CEP20: variants seen among roughly 807,000 people sequenced by gnomAD.
CEP20 encodes the protein centrosomal protein 20.
CEP20 carries 18 observed loss-of-function variants against 20.0 expected under a neutral mutation model. The observed-to-expected ratio is 0.90, with a 90% CI of 0.62 to 1.34. CEP20 has a LOEUF of 1.34. CEP20 is among the 40% of genes most tolerant of loss of function. The pLI is 0.00. For synonymous variants in CEP20, 77 were observed against 73.7 expected, an observed-to-expected ratio of 1.04 and a Z score of -0.23; for missense variants, 215 against 201.6, an observed-to-expected ratio of 1.07 and a Z score of -0.40.
At chr16:15,877,772 C>T (rs933336138) in intron 3 of CEP20, among the ~76,000 whole-genome samples, 3 of 151,892 alleles carry the variant, frequency 2.0e-5, no homozygotes, top group African/African-American at 7.3e-5. Context: ...AGAGTGAAAC[C>T]CTGCCTTGAA....
intron 4 of CEP20, among the ~76,000 whole-genome samples, chr16:15,872,000 C>T (rs1461191959): frequency 6.6e-6 from 1 of 152,174 alleles, no homozygotes; most frequent in Admixed American, 6.5e-5. Flanking sequence ...CTAAACCCCA[C>T]CTTTAACTGT....
chr16:15,882,833 A>G (rs935065089), intron 2 of CEP20: 5 of 151,388 alleles, frequency 3.3e-5, no homozygotes, highest in Non-Finnish European at 5.9e-5. Flanking sequence ...ATCTATATAT[A>G]GACAGGGACA....
At chr16:15,873,417 A>G in intron 4 of CEP20, 74 bp downstream of exon 4, 1 of 1,537,006 alleles carries the variant, frequency 6.5e-7, no homozygotes, top group Non-Finnish European at 8.8e-7. Flanking sequence ...CTCAGTAAAG[A>G]CTCCAAAAGA....
At chr16:15,876,234 T>G (rs2044944250) in intron 3 of CEP20, among the ~76,000 whole-genome samples, 1 of 151,424 alleles carries the variant, frequency 6.6e-6, no homozygotes, top group Admixed American at 6.6e-5. Context: ...TCCTAGCACT[T>G]TGGGAGGCCG....
chr16:15,869,506 TCAC>T (rs1258467626), intron 4 of CEP20, among the ~76,000 whole-genome samples: 2 of 152,072 alleles, frequency 1.3e-5, no homozygotes, highest in African/African-American at 4.8e-5. Context: ...AGACAGGGTT[TCAC>T]CATGTTGGCT....
intron 4 of CEP20, among the ~76,000 whole-genome samples, chr16:15,869,110 T>C (rs1475164651): frequency 6.6e-6 from 1 of 151,192 alleles, no homozygotes; most frequent in African/African-American, 2.4e-5. Context: ...TGTGTGTGTA[T>C]ATATATATAA....
At chr16:15,882,355 C>G (rs139253913) in intron 2 of CEP20, among the ~76,000 whole-genome samples, 1 of 151,182 alleles carries the variant, frequency 6.6e-6, no homozygotes, top group African/African-American at 2.5e-5. Flanking sequence ...TCCTGGCTAA[C>G]GGTGAAACCC....
rs2151416782 is a variant in CEP20 at position 15,866,770 on chromosome 16, T to C, written c.*670A>G. ...CTTTGTTTTATTTACAGCAAAATTA[T>C]TACAGCAAATTTACTTCTCCTCTAC... On this transcript the variant is annotated 3_prime_UTR_variant, in exon 5 of 5. Transcript: ENST00000255759. The C allele has an allele frequency of 6.6e-6, 1 of 152,326 alleles. No homozygotes were observed. The highest frequency in any genetic ancestry group is 3.4e-3 in the Middle Eastern group (1 of 294). The allele number at this position is 152,326 out of a possible 1,614,324, so 9.4% of individuals were successfully genotyped here. A position where few individuals can be genotyped will look rare whatever the true frequency, so the allele number is the denominator to read the frequency against.
chr16:15,866,564 G>T lies in CEP20; in HGVS notation c.*876C>A, dbSNP rs3743520. 6.6e-6 allele frequency: 1 copy of T among 152,122 alleles called. No homozygotes were observed. The highest frequency in any genetic ancestry group is 2.4e-5 in the African/African-American group (1 of 41,414). The allele number at this position is 152,122 out of a possible 1,614,324, so 9.4% of individuals were successfully genotyped here. A position where few individuals can be genotyped will look rare whatever the true frequency, so the allele number is the denominator to read the frequency against. Reference sequence around the variant, plus strand: ...TCCCAAGAATAAAAATTGATGTTTGGTAAGAGTTTCGGAGCCCAAACAAGT... The same window carrying T: ...TCCCAAGAATAAAAATTGATGTTTGTTAAGAGTTTCGGAGCCCAAACAAGT... On this transcript the variant is annotated 3_prime_UTR_variant, in exon 5 of 5. Coordinates refer to ENST00000255759, the MANE Select transcript of CEP20 (RefSeq NM_144600.4).
Position 15,879,907 on chromosome 16 carries a change from T to G in CEP20, c.227-19A>C. ...CCAGATTCTGGGAGAAATAAATTCA[T>G]GAGAACACTCAGTCTATTAAACTAA... is the stretch of plus-strand genomic sequence containing the variant. On this transcript the variant is annotated intron_variant, in intron 2 of 4. Transcript: ENST00000255759. 6.6e-7 allele frequency: 1 copy of G among 1,509,214 alleles called. No homozygotes were observed. The highest frequency in any genetic ancestry group is 9.0e-7 in the Non-Finnish European group (1 of 1,106,112). The allele number at this position is 1,509,214 out of a possible 1,614,324, so 93.5% of individuals were successfully genotyped here. A position where few individuals can be genotyped will look rare whatever the true frequency, so the allele number is the denominator to read the frequency against.
At chr16:15,872,085 T>C (rs907067960) in intron 4 of CEP20, among the ~76,000 whole-genome samples, 12 of 152,012 alleles carry the variant, frequency 7.9e-5, no homozygotes, top group South Asian at 2.1e-4. Flanking sequence ...GAGGCCAAGG[T>C]GGGCGGATCA....
chr16:15,881,731 A>G (rs2045102145), intron 2 of CEP20, among the ~76,000 whole-genome samples: 1 of 151,766 alleles, frequency 6.6e-6, no homozygotes, highest in Non-Finnish European at 1.5e-5. Context: ...CACTTTTTTG[A>G]AAGAAGACAT....
At chr16:15,888,189 T>C (rs1161683463) in intron 1 of CEP20, among the ~76,000 whole-genome samples, 2 of 151,002 alleles carry the variant, frequency 1.3e-5, no homozygotes, top group Non-Finnish European at 2.9e-5. Context: ...ATAGGGGTTG[T>C]GGGAATTGTA....
chr16:15,881,379 A>G (rs2045093956), intron 2 of CEP20, among the ~76,000 whole-genome samples: 1 of 152,186 alleles, frequency 6.6e-6, no homozygotes, highest in Admixed American at 6.6e-5. Context: ...ACAGCCATCT[A>G]TAACAAACAA....
chr16:15,871,710 G>A (rs1436188875), intron 4 of CEP20, among the ~76,000 whole-genome samples: 1 of 152,164 alleles, frequency 6.6e-6, no homozygotes, highest in Non-Finnish European at 1.5e-5. Flanking sequence ...GAAATAAGTA[G>A]ATGGGAATGA....
At chr16:15,882,259 C>A (rs559684530) in intron 2 of CEP20, among the ~76,000 whole-genome samples, 1 of 152,296 alleles carries the variant, frequency 6.6e-6, no homozygotes, top group Non-Finnish European at 1.5e-5. Flanking sequence ...CTCTTTTCTT[C>A]AACCGGGTGC....
intron 2 of CEP20, among the ~76,000 whole-genome samples, chr16:15,882,395 T>C (rs2045120664): frequency 6.6e-6 from 1 of 151,952 alleles, no homozygotes; most frequent in East Asian, 1.9e-4. Context: ...AAAAATTAGC[T>C]GGGCATGGCC....
intron 2 of CEP20, among the ~76,000 whole-genome samples, chr16:15,880,635 C>T (rs1004430192): frequency 2.0e-5 from 3 of 152,232 alleles, no homozygotes; most frequent in African/African-American, 7.2e-5. Context: ...ACATCATGTA[C>T]GGTTCCATCT....
intron 1 of CEP20, among the ~76,000 whole-genome samples, chr16:15,887,129 T>G (rs568676038): frequency 6.6e-6 from 1 of 152,186 alleles, no homozygotes; most frequent in African/African-American, 2.4e-5. Context: ...GGTCTTAAAC[T>G]TCTGGGCTCA....
Sources: allele counts gnomAD v4.1 joint callset (sites outside exome capture counted in the v4.1 genomes callset), GRCh38; gene constraint gnomAD v4.1.1; transcripts MANE v1.5; gene names NCBI Gene and HGNC (gene_info 2026-07-23, HGNC 2026-07-21).